DSCAM: variants seen among roughly 807,000 people sequenced by gnomAD.
DSCAM encodes cell adhesion molecule DSCAM.
In DSCAM, 47 loss-of-function variants were observed where a neutral mutation model predicts 217.7. That is an observed-to-expected ratio of 0.22 (90% CI 0.17 to 0.28). The LOEUF (loss-of-function observed/expected upper bound fraction) is 0.28, where lower values mean the gene tolerates loss of function less well. DSCAM is among the 10% of genes least tolerant of loss of function. The pLI is 1.00. For synonymous variants in DSCAM, 1,056 were observed against 1,015.3 expected, an observed-to-expected ratio of 1.04 and a Z score of -0.76; for missense variants, 2,080 against 2,618.3, an observed-to-expected ratio of 0.79 and a Z score of 4.49.
intron 20 of DSCAM, among the ~76,000 whole-genome samples, chr21:40,111,866 C>T (rs1185401870): frequency 1.3e-5 from 2 of 152,140 alleles, no homozygotes; most frequent in South Asian, 4.2e-4. Context: ...GAAGAGCTAA[C>T]TATCCTAAAT....
Position 40,560,004 on chromosome 21 carries a change from A to G in DSCAM, c.508+132806T>C, listed in dbSNP as rs1035358671. ...GAGACGGGGTTTCACCGTGTTAGCC[A>G]GGATGGTCTCGATCTCCTGACCTCG... On this transcript the variant is annotated intron_variant, in intron 3 of 32. Coordinates refer to ENST00000400454, the MANE Select transcript of DSCAM (RefSeq NM_001389.5). 4.6e-5 allele frequency among the ~76,000 whole-genome samples: 7 copies of G among 152,072 alleles called. No individual in the cohort carries two copies. In the South Asian group the frequency reaches 6.2e-4, roughly 14 times the overall value.
At chr21:40,372,998 A>C (rs2074914061) in intron 3 of DSCAM, among the ~76,000 whole-genome samples, 1 of 149,306 alleles carries the variant, frequency 6.7e-6, no homozygotes, top group Admixed American at 7.1e-5. Context: ...GCATTAGCCC[A>C]GTAGGAAAAT....
intron 3 of DSCAM, among the ~76,000 whole-genome samples, chr21:40,644,171 G>A (rs375232474): frequency 1.3e-5 from 2 of 152,224 alleles, no homozygotes; most frequent in South Asian, 4.1e-4. Context: ...CCAGCACACA[G>A]CAGGTGCTTA....
At chr21:40,114,970 T>C (rs2089949986) in intron 20 of DSCAM, among the ~76,000 whole-genome samples, 1 of 152,222 alleles carries the variant, frequency 6.6e-6, no homozygotes, top group Non-Finnish European at 1.5e-5. Context: ...TTGGTGGGAC[T>C]GTAAACTAGT....
chr21:40,464,796 G>A (rs1386338801), intron 3 of DSCAM, among the ~76,000 whole-genome samples: 3 of 149,512 alleles, frequency 2.0e-5, no homozygotes, highest in South Asian at 2.1e-4. Flanking sequence ...GCTGGAGCAC[G>A]GTGGTGCAAT....
chr21:40,172,750 T>G (rs1448491545), intron 15 of DSCAM, among the ~76,000 whole-genome samples: 1 of 152,218 alleles, frequency 6.6e-6, no homozygotes, highest in Non-Finnish European at 1.5e-5. Context: ...GAGATTTGCC[T>G]TCTATGTGCC....
rs575373185 is a variant in DSCAM at position 40,347,719 on chromosome 21, C to T, written c.1161G>A (p.Val387=). The change falls in exon 6 of 33, where the codon GTG becomes GTA. Residue 387 remains valine, a synonymous_variant. Transcript: ENST00000400454. The stretch of plus-strand genomic sequence containing the variant: ...CTTGAGCGGACAGCTTGTCCTTGCG[C>T]ACAAAGCACTGGTATGCGCCCCCGT... The part of the protein sequence containing the change: ...KSDGGAYQCF[V]RKDKLSAQDY... The T allele has an allele frequency of 1.1e-5, 17 of 1,614,172 alleles. No individual in the cohort carries two copies. The African/African-American group carries it at 1.7e-4, about 16-fold the overall frequency.
Position 40,831,517 on chromosome 21 carries a change from C to G in DSCAM, c.43+15102G>C, listed in dbSNP as rs187595461. On this transcript the variant is annotated intron_variant, in intron 1 of 32. Transcript: ENST00000400454. ...TTTTTCAGAAAAGCTCAAACTGATA[C>G]AAAACTCACAATTTCAGCCTCCAAT... is the stretch of plus-strand genomic sequence containing the variant. Among the ~76,000 whole-genome samples, 10 of 152,288 alleles carry G rather than the reference C, an allele frequency of 6.6e-5. No individual in the cohort carries two copies. The East Asian group carries it at 1.9e-3, about 29-fold the overall frequency.
At chr21:40,245,019 C>T (rs1307426715) in intron 11 of DSCAM, among the ~76,000 whole-genome samples, 2 of 152,168 alleles carry the variant, frequency 1.3e-5, no homozygotes, top group Non-Finnish European at 2.9e-5. Context: ...AGGGATGCTC[C>T]TGCTTCCCCC....
intron 14 of DSCAM, among the ~76,000 whole-genome samples, chr21:40,183,855 CTT>C (rs1025494944): frequency 1.3e-5 from 2 of 152,128 alleles, no homozygotes; most frequent in African/African-American, 2.4e-5. Context: ...GAAAGGAAAA[CTT>C]TTGGGGGGAT....
rs41403146 is a variant in DSCAM at position 40,189,202 on chromosome 21, A to C, written c.2393T>G (p.Leu798Arg). Residue 798 changes from leucine (L) to arginine (R), a missense_variant, in exon 12 of 33, where the codon CTG becomes CGG. Coordinates refer to ENST00000400454, the MANE Select transcript of DSCAM (RefSeq NM_001389.5). ...CTCCTTTTTCTGCCCCTGCGTGGCC[A>C]GGGTAGTATTTGGATAGGATGTTAT... ...AMITSYPNTT[L>R]ATQGQKKEMS... The C allele has an allele frequency of 1.0e-4, 163 of 1,610,936 alleles. 1 individual carries two copies. The East Asian group carries it at 3.5e-3, about 35-fold the overall frequency.
At chr21:40,604,645 G>T (rs934888971) in intron 3 of DSCAM, among the ~76,000 whole-genome samples, 16 of 152,054 alleles carry the variant, frequency 1.1e-4, no homozygotes, top group African/African-American at 3.9e-4. Flanking sequence ...TTTCTCTCTT[G>T]TTGTCTTTGT....
intron 3 of DSCAM, among the ~76,000 whole-genome samples, chr21:40,415,081 C>A (rs1009217158): frequency 6.6e-6 from 1 of 152,090 alleles, no homozygotes; most frequent in African/African-American, 2.4e-5. Flanking sequence ...GAAAAAAAGA[C>A]CTGGAATTTG....
intron 3 of DSCAM, among the ~76,000 whole-genome samples, chr21:40,432,221 T>TAA (rs1473127132): frequency 0.03 from 4,459 of 149,772 alleles, 192 homozygotes; most frequent in African/African-American, 0.091. Flanking sequence ...AAAATAAATA[T>TAA]ATAAATAAAT....
chr21:40,568,007 C>T (rs1014308864), intron 3 of DSCAM, among the ~76,000 whole-genome samples: 1 of 151,998 alleles, frequency 6.6e-6, no homozygotes, highest in East Asian at 1.9e-4. Context: ...GCGCGATCTC[C>T]GCTCACTGCA....
intron 3 of DSCAM, among the ~76,000 whole-genome samples, chr21:40,577,154 T>G (rs74397925): frequency 6.6e-6 from 1 of 151,682 alleles, no homozygotes; most frequent in Non-Finnish European, 1.5e-5. Context: ...AAATGAATAT[T>G]CATTTATTTA....
At chr21:40,702,965 AAACT>A (rs1202697296) in intron 2 of DSCAM, among the ~76,000 whole-genome samples, 1 of 152,210 alleles carries the variant, frequency 6.6e-6, no homozygotes, top group Non-Finnish European at 1.5e-5. Context: ...CCTATGTTAC[AAACT>A]ACCTAAGACA....
At chr21:40,379,376 T>A (rs1320772425) in intron 3 of DSCAM, among the ~76,000 whole-genome samples, 2 of 152,188 alleles carry the variant, frequency 1.3e-5, no homozygotes, top group Non-Finnish European at 2.9e-5. Flanking sequence ...TAGAAGGAGA[T>A]AAATTTAGGA....
chr21:40,697,396 A>C (rs1448189326), intron 2 of DSCAM, among the ~76,000 whole-genome samples: 1 of 152,166 alleles, frequency 6.6e-6, no homozygotes, highest in Non-Finnish European at 1.5e-5. Flanking sequence ...GCCTTACCCC[A>C]AAAATCTTTG....
Sources: allele counts gnomAD v4.1 joint callset (sites outside exome capture counted in the v4.1 genomes callset), GRCh38; gene constraint gnomAD v4.1.1; transcripts MANE v1.5; gene names NCBI Gene and HGNC (gene_info 2026-07-23, HGNC 2026-07-21).